TMEM135: variants seen among roughly 807,000 people sequenced by gnomAD.
TMEM135 encodes the protein peroxisomal membrane protein 52.
Under a neutral mutation model 60.3 loss-of-function variants are expected in TMEM135, and 30 were observed. That is an observed-to-expected ratio of 0.50 (90% confidence interval 0.37 to 0.68). The LOEUF is 0.68. TMEM135 is among the 30% of genes least tolerant of loss of function. The pLI is 0.00. For synonymous variants in TMEM135, 190 were observed against 186.7 expected, an observed-to-expected ratio of 1.02 and a Z score of -0.14; for missense variants, 468 against 548.8, an observed-to-expected ratio of 0.85 and a Z score of 1.47.
At chr11:87,266,896 G>GT (rs1273476272) in intron 6 of TMEM135, among the ~76,000 whole-genome samples, 1 of 152,172 alleles carries the variant, frequency 6.6e-6, no homozygotes, top group Admixed American at 6.5e-5. Flanking sequence ...TTGTTGTGTG[G>GT]TTTTCTCTAG....
At chr11:87,203,677 T>A (rs915110800) in intron 5 of TMEM135, among the ~76,000 whole-genome samples, 3 of 152,242 alleles carry the variant, frequency 2.0e-5, no homozygotes, top group Non-Finnish European at 4.4e-5. Flanking sequence ...ATTTGTGTGC[T>A]GGTTTTTGTG....
At chr11:87,201,557 G>A (rs1016093729) in intron 5 of TMEM135, among the ~76,000 whole-genome samples, 4 of 152,180 alleles carry the variant, frequency 2.6e-5, no homozygotes, top group African/African-American at 9.7e-5. Flanking sequence ...AGTGAATAAA[G>A]TATGGTAATT....
chr11:87,248,078 A>T (rs1405701708), intron 6 of TMEM135, among the ~76,000 whole-genome samples: 2 of 151,638 alleles, frequency 1.3e-5, no homozygotes, highest in African/African-American at 4.8e-5. Flanking sequence ...TGTGTACTAT[A>T]TTTTGTTTAT....
At chr11:87,272,041 TTTTTC>T (rs200076280) in intron 6 of TMEM135, among the ~76,000 whole-genome samples, 39,361 of 137,952 alleles carry the variant, frequency 0.29, 6,678 homozygotes, top group Non-Finnish European at 0.4. Flanking sequence ...TATTTCTTTC[TTTTTC>T]TTTTCTTTTT....
intron 5 of TMEM135, among the ~76,000 whole-genome samples, chr11:87,158,586 C>T (rs928325951): frequency 1.7e-4 from 26 of 151,732 alleles, no homozygotes; most frequent in African/African-American, 6.0e-4. Context: ...CTCAGCCTCC[C>T]AAGTAGCTGG....
Position 87,038,199 on chromosome 11 carries a change from ACCCGT to A in TMEM135, c.141+18_141+22del. On this transcript the variant is annotated intron_variant, in intron 1 of 14. Coordinates refer to ENST00000305494, the MANE Select transcript of TMEM135 (RefSeq NM_022918.4). ...TCCTCTGTACTTGGTGAGACCCGTC[ACCCGT>A]CCCGCAGGGCGAGTTTAGTCTGGAA... 1 of 1,613,280 alleles carries A rather than the reference ACCCGT, an allele frequency of 6.2e-7. No individual in the cohort carries two copies. The highest frequency in any genetic ancestry group is 8.5e-7 in the Non-Finnish European group (1 of 1,179,840).
chr11:87,285,169 T>C (rs1239751587), intron 6 of TMEM135, among the ~76,000 whole-genome samples: 1 of 152,364 alleles, frequency 6.6e-6, no homozygotes, highest in East Asian at 1.9e-4. Flanking sequence ...TTGTTGATCA[T>C]GTGTCAAATA....
chr11:87,284,982 CACT>C (rs1443824674), intron 6 of TMEM135, among the ~76,000 whole-genome samples: 1 of 152,162 alleles, frequency 6.6e-6, no homozygotes, highest in African/African-American at 2.4e-5. Context: ...ATTAACCACA[CACT>C]ACAAGTTTTG....
intron 4 of TMEM135, among the ~76,000 whole-genome samples, chr11:87,094,252 AAATTACAT>A (rs1238048008): frequency 6.6e-6 from 1 of 152,208 alleles, no homozygotes; most frequent in Non-Finnish European, 1.5e-5. Flanking sequence ...CCCAAAAACC[AAATTACAT>A]ATGGCTAGAC....
intron 2 of TMEM135, among the ~76,000 whole-genome samples, chr11:87,069,772 T>A (rs1465589474): frequency 6.6e-6 from 1 of 152,202 alleles, no homozygotes; most frequent in African/African-American, 2.4e-5. Flanking sequence ...GATTTTATAT[T>A]GGAGTCTTCA....
intron 1 of TMEM135, among the ~76,000 whole-genome samples, chr11:87,041,990 A>G (rs1290061731): frequency 6.6e-6 from 1 of 152,210 alleles, no homozygotes; most frequent in African/African-American, 2.4e-5. Context: ...GTAGGGACCA[A>G]TGGAGAGCTT....
chr11:87,130,256 C>G (rs372046923), intron 4 of TMEM135, among the ~76,000 whole-genome samples: 11 of 151,940 alleles, frequency 7.2e-5, no homozygotes, highest in African/African-American at 2.7e-4. Flanking sequence ...TTTCCATCCC[C>G]TACTCTGCTG....
chr11:87,071,337 T>C (rs780173239), intron 2 of TMEM135, among the ~76,000 whole-genome samples, 186 bp from the exon 3 acceptor site: 17 of 151,900 alleles, frequency 1.1e-4, no homozygotes, highest in Non-Finnish European at 2.1e-4. Context: ...CCTAGGAAAA[T>C]AGAGGAGAGA....
intron 6 of TMEM135, 73 bp downstream of exon 6, chr11:87,236,757 T>A: frequency 7.1e-7 from 1 of 1,402,666 alleles, no homozygotes. Context: ...ACCACGAAAC[T>A]AAAGTATTCT....
intron 5 of TMEM135, among the ~76,000 whole-genome samples, chr11:87,165,864 G>T (rs1591069763): frequency 1.4e-5 from 2 of 141,964 alleles, no homozygotes; most frequent in Non-Finnish European, 3.1e-5. Flanking sequence ...AAAGAAAAAA[G>T]AGAGAAGAAT....
At chr11:87,201,179 A>G (rs1382187803) in intron 5 of TMEM135, among the ~76,000 whole-genome samples, 1 of 152,218 alleles carries the variant, frequency 6.6e-6, no homozygotes, top group Non-Finnish European at 1.5e-5. Context: ...TAGGAATTAT[A>G]AATTCAGGAT....
intron 6 of TMEM135, among the ~76,000 whole-genome samples, chr11:87,286,504 C>T (rs1454629087): frequency 6.6e-6 from 1 of 152,262 alleles, no homozygotes; most frequent in Admixed American, 6.5e-5. Flanking sequence ...GCCTGCCAGT[C>T]CCGTGCTGCG....
intron 4 of TMEM135, among the ~76,000 whole-genome samples, chr11:87,092,531 A>ATTTT (rs1857231382): frequency 6.6e-6 from 1 of 152,210 alleles, no homozygotes; most frequent in Admixed American, 6.5e-5. Context: ...TTATTTTAAA[A>ATTTT]TACTCCAGAA....
chr11:87,142,236 G>A (rs149851110), intron 4 of TMEM135, among the ~76,000 whole-genome samples: 55 of 152,250 alleles, frequency 3.6e-4, no homozygotes, highest in African/African-American at 1.3e-3. Context: ...GGTAGTGTTG[G>A]TAGGGAGTTG....
Sources: allele counts gnomAD v4.1 joint callset (sites outside exome capture counted in the v4.1 genomes callset), GRCh38; gene constraint gnomAD v4.1.1; transcripts MANE v1.5; gene names NCBI Gene and HGNC (gene_info 2026-07-23, HGNC 2026-07-21).